Variants in CDH3 observed in about 807,000 individuals in gnomAD.
CDH3 encodes cadherin 3.
A neutral mutation model predicts 82.0 loss-of-function variants in CDH3; 54 were observed. That is an observed-to-expected ratio of 0.66 (90% CI 0.53 to 0.83). The LOEUF is 0.83. Among genes scored for constraint, CDH3 ranks in the 40% least tolerant of loss-of-function variants. The pLI, the probability that CDH3 is intolerant of heterozygous loss-of-function variation, is 0.00. For synonymous variants in CDH3, 446 were observed against 437.9 expected, an observed-to-expected ratio of 1.02 and a Z score of -0.23; for missense variants, 1,054 against 1,084.6, an observed-to-expected ratio of 0.97 and a Z score of 0.40.
intron 2 of CDH3, among the ~76,000 whole-genome samples, chr16:68,724,588 C>T (rs1962199379): frequency 6.6e-6 from 1 of 151,490 alleles, no homozygotes; most frequent in Non-Finnish European, 1.5e-5. Context: ...GATCCCACCA[C>T]TGCATTCCAG....
At chr16:68,683,523 G>C (rs927884299) in intron 9 of CDH3, among the ~76,000 whole-genome samples, 3 of 150,052 alleles carry the variant, frequency 2.0e-5, no homozygotes, top group African/African-American at 7.4e-5. Flanking sequence ...GTGGTGGCAG[G>C]CGCCTGTAGT....
In CDH3 at chr16:68,695,244, A is replaced by C; in HGVS notation, c.2003-11A>C. The C allele has an allele frequency of 6.2e-7, 1 of 1,614,118 alleles. No individual in the cohort carries two copies. ...TACAGAGGGAGCACTCACACTCCCC[A>C]ACCCTTGCAGTCCTCCTGCTGGTGC... On this transcript the variant is annotated splice_polypyrimidine_tract_variant and intron_variant, in intron 13 of 15. Coordinates refer to ENST00000264012, the MANE Select transcript of CDH3 (RefSeq NM_001793.6).
intron 2 of CDH3, among the ~76,000 whole-genome samples, chr16:68,660,410 G>A (rs191320999): frequency 6.6e-6 from 1 of 152,202 alleles, no homozygotes; most frequent in East Asian, 1.9e-4. Flanking sequence ...ATTTTCCCTG[G>A]GTGTTGAGAG....
intron 1 of CDH3, among the ~76,000 whole-genome samples, chr16:68,711,251 C>T (rs1284519981): frequency 6.7e-6 from 1 of 150,026 alleles, no homozygotes; most frequent in South Asian, 2.1e-4. Flanking sequence ...CGGAGGTTGC[C>T]GTGAGCTGGG....
At chr16:68,724,395 G>C (rs1205838768) in intron 2 of CDH3, among the ~76,000 whole-genome samples, 2 of 152,062 alleles carry the variant, frequency 1.3e-5, no homozygotes, top group African/African-American at 4.8e-5. Context: ...AAGGAAGGAG[G>C]ATCACTTGAG....
Position 68,681,113 on chromosome 16 carries a change from A to C in CDH3, c.996+17A>C. 6.2e-7 allele frequency: 1 copy of C among 1,613,514 alleles called. No individual in the cohort carries two copies. The highest frequency in any genetic ancestry group is 8.5e-7 in the Non-Finnish European group (1 of 1,179,792). On this transcript the variant is annotated intron_variant, in intron 8 of 15. Transcript: ENST00000264012. Reference sequence around the variant, plus strand: ...CCCCAGAAGGTAATGCCCCTTCCTCACTCAGTCCCTCATCAGATAATGAAG... The same window carrying C: ...CCCCAGAAGGTAATGCCCCTTCCTCCCTCAGTCCCTCATCAGATAATGAAG...
At chr16:68,678,411 C>G (rs1449504662) in intron 4 of CDH3, 90 bp from the exon 5 acceptor site, 47 of 1,584,046 alleles carry the variant, frequency 3.0e-5, no homozygotes, top group Non-Finnish European at 3.6e-5. Context: ...GCAGATTCTC[C>G]TATGGCAGTG....
chr16:68,732,053 T>TG (rs1962298451), downstream of CDH3, among the ~76,000 whole-genome samples: 1 of 150,120 alleles, frequency 6.7e-6, no homozygotes, highest in African/African-American at 2.4e-5. Context: ...ATAAAACTGT[T>TG]TTTTTTTTTT....
At chr16:68,714,294 C>G (rs1367404382) in intron 1 of CDH3, among the ~76,000 whole-genome samples, 1 of 152,122 alleles carries the variant, frequency 6.6e-6, no homozygotes, top group African/African-American at 2.4e-5. Context: ...CCTCTACCCT[C>G]ACCCCAGCAC....
At chr16:68,669,224 T>C (rs1274053409) in intron 2 of CDH3, among the ~76,000 whole-genome samples, 4 of 152,160 alleles carry the variant, frequency 2.6e-5, no homozygotes, top group African/African-American at 9.7e-5. Flanking sequence ...TGTGAGGATT[T>C]GGGTAGGAAA....
chr16:68,693,699 G>A (rs897259339), intron 13 of CDH3, among the ~76,000 whole-genome samples: 2 of 152,176 alleles, frequency 1.3e-5, no homozygotes, highest in Admixed American at 1.3e-4. Context: ...GACTCCCAAG[G>A]AAGGTTGGGT....
intron 2 of CDH3, among the ~76,000 whole-genome samples, chr16:68,724,357 A>G (rs917585198): frequency 3.7e-4 from 57 of 152,034 alleles, no homozygotes; most frequent in Non-Finnish European, 6.2e-4. Flanking sequence ...ATTGGCTCAC[A>G]CCTGTAATCC....
chr16:68,672,198 A>AGAT (rs1567444914), intron 2 of CDH3, among the ~76,000 whole-genome samples: 1 of 53,448 alleles, frequency 1.9e-5, no homozygotes, highest in Non-Finnish European at 5.4e-5. Context: ...CTCAAAAAAA[A>AGAT]AAAAAATAAA....
intron 13 of CDH3, 80 bp from the exon 14 acceptor site, chr16:68,695,175 T>A (rs1391655084): frequency 6.8e-7 from 1 of 1,480,424 alleles, no homozygotes; most frequent in Admixed American, 1.7e-5. Flanking sequence ...CATCTGCAGT[T>A]AGAGGGGCTC....
rs543106325 is a variant in CDH3, at chr16:68,694,703, T to A, written c.2003-552T>A. On this transcript the variant is annotated intron_variant, in intron 13 of 15. Coordinates refer to ENST00000264012, the MANE Select transcript of CDH3 (RefSeq NM_001793.6). ...ACCCTATGAAAGTTGCATTATCTTG[T>A]TCTTGAAGTCTGTGGCTAATTAGGG... Among the ~76,000 whole-genome samples, 7 of 152,262 alleles carry A rather than the reference T, an allele frequency of 4.6e-5. No individual in the cohort carries two copies. In the East Asian group the frequency reaches 1.4e-3, roughly 29 times the overall value.
rs1441779729 is a variant in CDH3, at chr16:68,681,077, C to T, written c.977C>T (p.Pro326Leu). ...VEILDANDNAPMFDPQKYEAH... is the reference protein window; with the variant it reads ...VEILDANDNALMFDPQKYEAH... ...ATCCTTGATGCCAATGACAATGCTC[C>T]CATGTTTGACCCCCAGAAGGTAATG... is the stretch of plus-strand genomic sequence containing the variant. The change falls in exon 8 of 16, where the codon CCC becomes CTC. Residue 326 changes from proline (P) to leucine (L), a missense_variant. Physicochemically the swap from Pro to Leu is moderately conservative, Grantham distance 98. Transcript: ENST00000264012. 1 of 1,613,984 alleles carries T rather than the reference C, an allele frequency of 6.2e-7. No homozygotes were observed. The highest frequency in any genetic ancestry group is 2.2e-5 in the East Asian group (1 of 44,870).
At position 68,691,778 on chromosome 16, in the gene CDH3, C is replaced by A. The variant is rs909322165; in HGVS notation, c.1854C>A (p.His618Gln). ...TGAAGCAGGATACATATGACGTGCA[C>A]CTTTCTCTGTCTGACCATGGCAACA... ...KFLKQDTYDV[H>Q]LSLSDHGNKE... is the part of the protein sequence containing the mutation. The change falls in exon 13 of 16, where the codon CAC becomes CAA. Residue 618 changes from histidine to glutamine, a missense_variant. Transcript: ENST00000264012. The A allele has an allele frequency of 6.2e-7, 1 of 1,614,196 alleles. No homozygotes were observed. The highest frequency in any genetic ancestry group is 1.7e-5 in the Admixed American group (1 of 60,020).
At chr16:68,646,732 C>T (rs938116572) in intron 2 of CDH3, among the ~76,000 whole-genome samples, 2 of 152,118 alleles carry the variant, frequency 1.3e-5, no homozygotes, top group Non-Finnish European at 2.9e-5. Context: ...GATCCTTACA[C>T]TGAAATTTTT....
intron 2 of CDH3, among the ~76,000 whole-genome samples, chr16:68,663,448 A>G (rs1960649961): frequency 6.9e-6 from 1 of 144,202 alleles, no homozygotes; most frequent in Non-Finnish European, 1.5e-5. Context: ...GTTAGCCAGG[A>G]TGGTCTCGAT....
Sources: gnomAD v4.1 joint callset for allele counts (sites outside exome capture counted in the v4.1 genomes callset) on GRCh38, gnomAD v4.1.1 for gene constraint, MANE v1.5 for transcripts, NCBI Gene and HGNC (gene_info 2026-07-23, HGNC 2026-07-21) for gene names.